BMF: variants seen among roughly 807,000 people sequenced by gnomAD.
The protein encoded by BMF is Bcl2 modifying factor.
A neutral mutation model predicts 22.0 loss-of-function variants in BMF; 10 were observed. That is an observed-to-expected ratio of 0.45 (90% CI 0.28 to 0.77). The LOEUF (loss-of-function observed/expected upper bound fraction) is 0.77, where lower values mean the gene tolerates loss of function less well. Among genes scored for constraint, BMF ranks in the 30% least tolerant of loss-of-function variants. BMF has a pLI of 0.13. For synonymous variants in BMF, 87 were observed against 88.1 expected, an observed-to-expected ratio of 0.99 and a Z score of 0.07; for missense variants, 206 against 226.8, an observed-to-expected ratio of 0.91 and a Z score of 0.59.
At position 40,088,006 on chromosome 15, in the gene BMF, T is replaced by A. The variant is rs8116; in HGVS notation, c.*3781A>T. The A allele has an allele frequency of 0.39, 58,585 of 151,088 alleles. 11,414 individuals carry two copies. The highest frequency in any genetic ancestry group is 0.47 in the East Asian group (2,406 of 5,174). The allele number at this position is 151,088 out of a possible 1,614,324, so 9.4% of individuals were successfully genotyped here. On this transcript the variant is annotated 3_prime_UTR_variant, in exon 5 of 5. Transcript: ENST00000354670. ...ACATAAAGCCAAAGGCTCTGTACAG[T>A]TTTTTAAAAAATGGGGCCCCTTTCT...
In BMF at chr15:40,106,231, G is replaced by T; in HGVS notation, c.-5-140C>A. 1.1e-6 allele frequency: 1 copy of T among 946,296 alleles called. No individual in the cohort carries two copies. The highest frequency in any genetic ancestry group is 1.5e-6 in the Non-Finnish European group (1 of 658,366). The allele number at this position is 946,296 out of a possible 1,614,324, so 58.6% of individuals were successfully genotyped here. ...CACATACTGATGACATACAACCCTG[G>T]TAATAAAGCACTGCTAAGGGTGACA... On this transcript the variant is annotated intron_variant, in intron 2 of 4. Coordinates refer to ENST00000354670, the MANE Select transcript of BMF (RefSeq NM_001003940.2). The surrounding 1 kb of genome is among the most constrained non-coding windows in gnomAD (Gnocchi z 4.1).
chr15:40,098,056 C>T lies in BMF; in HGVS notation c.453+6124G>A, dbSNP rs193150974. On this transcript the variant is annotated intron_variant, in intron 4 of 4. Transcript: ENST00000354670. ...CCGAGGAACGAGCAACGTGGCAAAACGGAAAAGGAAAAAAAAGACTCCTTG... is the reference window on the plus strand; with the variant it reads ...CCGAGGAACGAGCAACGTGGCAAAATGGAAAAGGAAAAAAAAGACTCCTTG... 5.3e-5 allele frequency among the ~76,000 whole-genome samples: 8 copies of T among 152,194 alleles called. No homozygotes were observed. The East Asian group carries it at 9.7e-4, about 18-fold the overall frequency.
chr15:40,103,797 C>T (rs957115506), intron 4 of BMF, among the ~76,000 whole-genome samples: 1 of 152,238 alleles, frequency 6.6e-6, no homozygotes, highest in African/African-American at 2.4e-5. Context: ...CACCCCCCAA[C>T]TGCCCAGTTT....
chr15:40,097,933 T>G (rs746388606), intron 4 of BMF, among the ~76,000 whole-genome samples: 4 of 152,222 alleles, frequency 2.6e-5, no homozygotes, highest in African/African-American at 7.2e-5. Context: ...GGGCTCAGGA[T>G]TCTAGGCTGC....
At chr15:40,093,748 A>AT (rs2036297677) in intron 4 of BMF, among the ~76,000 whole-genome samples, 1 of 152,032 alleles carries the variant, frequency 6.6e-6, no homozygotes. Flanking sequence ...TCACCTCATA[A>AT]TAGTAACGTG....
In BMF at chr15:40,106,083, C is replaced by T. The variant is rs370152086; in HGVS notation, c.4G>A (p.Glu2Lys). The T allele has an allele frequency of 1.3e-6, 2 of 1,598,040 alleles. No homozygotes were observed. Among genetic ancestry groups the T allele is most frequent in the African/African-American group, 2.7e-5 (2 of 74,856 alleles). The change falls in exon 3 of 5, where the codon GAG (glutamate) becomes AAG (lysine). Residue 2 changes from glutamate to lysine, a missense_variant. Transcript: ENST00000354670. This position sits in a 1 kb window ranked among gnomAD's most constrained non-coding sequence, Gnocchi z 4.1. The stretch of plus-strand genomic sequence containing the variant: ...AGCTCCTCCACACACTGAGATGGCT[C>T]CATCTCTCCTGTGAGGGGGCAACGC... M[E>K]PSQCVEELED...
At chr15:40,100,716 T>A (rs554105688) in intron 4 of BMF, among the ~76,000 whole-genome samples, 1 of 152,228 alleles carries the variant, frequency 6.6e-6, no homozygotes, top group African/African-American at 2.4e-5. Context: ...AAAGTGCAGA[T>A]GGCCCACGTA....
At chr15:40,100,900 G>A (rs924079950) in intron 4 of BMF, among the ~76,000 whole-genome samples, 2 of 152,142 alleles carry the variant, frequency 1.3e-5, no homozygotes, top group Non-Finnish European at 2.9e-5. Context: ...GACAAAAAGG[G>A]GGAGTGCACA....
intron 4 of BMF, 25 bp from the exon 5 acceptor site, chr15:40,091,913 C>A (rs1378192013): frequency 2.0e-6 from 3 of 1,475,622 alleles, no homozygotes; most frequent in Non-Finnish European, 2.8e-6. Flanking sequence ...AAAAAAAAGA[C>A]CAACATAACT....
At position 40,091,930 on chromosome 15, in the gene BMF, C is replaced by T. The variant is rs202160620; in HGVS notation, c.454-42G>A. 136 of 1,443,114 alleles carry T rather than the reference C, an allele frequency of 9.4e-5. 1 individual carries two copies. In the East Asian group the frequency reaches 1.9e-3, roughly 20 times the overall value. 89.4% of individuals were successfully genotyped at this position (1,443,114 alleles called of 1,614,324 possible). On this transcript the variant is annotated intron_variant, in intron 4 of 4. Transcript: ENST00000354670. ...AAAAAAGACCAACATAACTCCCAAA[C>T]GCAATCTTAGACGACTCCCTCTCAT... is the stretch of plus-strand genomic sequence containing the variant.
intron 4 of BMF, among the ~76,000 whole-genome samples, chr15:40,100,679 C>T (rs1194243255): frequency 6.6e-6 from 1 of 152,218 alleles, no homozygotes; most frequent in Non-Finnish European, 1.5e-5. Flanking sequence ...AGTCCTCCAC[C>T]TAGCAAGGCT....
chr15:40,102,353 G>C (rs571007879), intron 4 of BMF, among the ~76,000 whole-genome samples: 244 of 151,008 alleles, frequency 1.6e-3, no homozygotes, highest in African/African-American at 5.7e-3. Context: ...CGCTTGAACT[G>C]GGGAGGCAGA....
At chr15:40,101,587 C>T (rs138903955) in intron 4 of BMF, among the ~76,000 whole-genome samples, 12 of 152,198 alleles carry the variant, frequency 7.9e-5, no homozygotes, top group Admixed American at 7.9e-4. Flanking sequence ...GGAGTGACAA[C>T]AGTACTTTCT....
At chr15:40,092,028 A>G (rs1595471061) in intron 4 of BMF, 140 bp from the exon 5 acceptor site, 1 of 648,002 alleles carries the variant, frequency 1.5e-6, no homozygotes, top group Non-Finnish European at 2.7e-6. Context: ...CACAGCGGGG[A>G]GGAGGGGGAG....
At chr15:40,096,624 GA>G (rs1205080267) in intron 4 of BMF, among the ~76,000 whole-genome samples, 1 of 152,198 alleles carries the variant, frequency 6.6e-6, no homozygotes, top group East Asian at 1.9e-4. Context: ...AGTTAGTTGG[GA>G]GGGGTGTAAT....
chr15:40,106,128 C>T lies in BMF; in HGVS notation c.-5-37G>A, dbSNP rs961875861. On this transcript the variant is annotated intron_variant, in intron 2 of 4. Transcript: ENST00000354670. The surrounding 1 kb of genome is among the most constrained non-coding windows in gnomAD (Gnocchi z 4.1). Reference sequence around the variant, plus strand: ...CAACGCAGGCATCTGGGCTGCTGCCCCACCAGGGCCATACCTGGAAGGACT... The same window carrying T: ...CAACGCAGGCATCTGGGCTGCTGCCTCACCAGGGCCATACCTGGAAGGACT... 2.6e-6 allele frequency: 4 copies of T among 1,539,034 alleles called. No individual in the cohort carries two copies. In the African/African-American group the frequency reaches 4.1e-5, roughly 16 times the overall value.
At chr15:40,107,812 C>T (rs760243502) in intron 2 of BMF, among the ~76,000 whole-genome samples, 1 of 152,110 alleles carries the variant, frequency 6.6e-6, no homozygotes, top group Non-Finnish European at 1.5e-5. Context: ...CCCTCCCCCT[C>T]CCAGCAAAGC....
At chr15:40,095,179 C>T (rs1193157687) in intron 4 of BMF, among the ~76,000 whole-genome samples, 1 of 152,236 alleles carries the variant, frequency 6.6e-6, no homozygotes, top group Non-Finnish European at 1.5e-5. Flanking sequence ...CTTTGGCCTT[C>T]TCCCGCCTCA....
intron 4 of BMF, among the ~76,000 whole-genome samples, chr15:40,097,290 C>A (rs1386522844): frequency 4.0e-5 from 6 of 151,772 alleles, no homozygotes; most frequent in African/African-American, 1.5e-4. Context: ...CTACCAAGCA[C>A]CTAACTGAGC....
Sources: gnomAD v4.1 joint callset for allele counts (sites outside exome capture counted in the v4.1 genomes callset) on GRCh38, gnomAD v4.1.1 for gene constraint, Gnocchi (gnomAD v3.1) non-coding constraint, MANE v1.5 for transcripts, NCBI Gene and HGNC (gene_info 2026-07-23, HGNC 2026-07-21) for gene names.